ZDHHC9: variants seen among roughly 807,000 people sequenced by gnomAD.
ZDHHC9 encodes the protein zDHHC palmitoyltransferase 9.
A neutral mutation model predicts 26.6 loss-of-function variants in ZDHHC9; 3 were observed. That is an observed-to-expected ratio of 0.11 (90% CI 0.05 to 0.29). ZDHHC9 has a LOEUF of 0.29. Among genes scored for constraint, ZDHHC9 ranks in the 10% least tolerant of loss-of-function variants. ZDHHC9 has a pLI of 1.00. For missense variants in ZDHHC9, 146 were observed against 296.4 expected, an observed-to-expected ratio of 0.49 and a Z score of 3.73; for synonymous variants, 111 against 109.4, an observed-to-expected ratio of 1.01 and a Z score of -0.09.
chrX:129,836,219 C>T (rs1928257348), intron 3 of ZDHHC9, among the ~76,000 whole-genome samples: 1 of 112,157 alleles, frequency 8.9e-6, no homozygotes, highest in Admixed American at 9.5e-5. Flanking sequence ...ATTATCAGGT[C>T]TGCTTTTTCT....
chrX:129,817,913 T>C (rs1373648972), intron 5 of ZDHHC9, among the ~76,000 whole-genome samples: 2 of 111,927 alleles, frequency 1.8e-5, no homozygotes, highest in Non-Finnish European at 1.9e-5. Context: ...CTGTGAATAA[T>C]GATGCTACGA....
At chrX:129,806,835 T>G (rs1051929143) in intron 10 of ZDHHC9, among the ~76,000 whole-genome samples, 1 of 111,949 alleles carries the variant, frequency 8.9e-6, no homozygotes, top group Non-Finnish European at 1.9e-5. Context: ...TGGTCCTCAA[T>G]CGTGTTTCTG....
rs753548428 is a variant in ZDHHC9 at position 129,823,835 on chromosome X, C to A, written c.331G>T (p.Ala111Ser). 15 of 1,207,603 alleles carry A rather than the reference C, an allele frequency of 1.2e-5. No individual in the cohort carries two copies. Among genetic ancestry groups the A allele is most frequent in the African/African-American group, 5.2e-5 (3 of 57,412 alleles). Residue 111 changes from alanine to serine, a missense_variant and splice_region_variant, in exon 5 of 11, where the codon GCT (alanine) becomes TCT (serine). Transcript: ENST00000357166. The stretch of plus-strand genomic sequence containing the variant: ...CCCTGGGGCACCGCACCATTGGTAG[C>A]TTCTGTAAATCAATAAAGACAGTTA... ...EAAFIEMEIE[A>S]TNGAVPQGQR... is the part of the protein sequence containing the mutation.
chrX:129,839,607 C>T lies in ZDHHC9; in HGVS notation c.167+2172G>A, dbSNP rs1928335925. Among the ~76,000 whole-genome samples, 4 of 108,500 alleles carry T rather than the reference C, an allele frequency of 3.7e-5. No individual in the cohort carries two copies. The South Asian group carries it at 1.5e-3, about 42-fold the overall frequency. 94.2% of individuals were successfully genotyped at this position (108,500 alleles called of 115,157 possible). A position where few individuals can be genotyped will look rare whatever the true frequency, so the allele number is the denominator to read the frequency against. ...TATAGATGCCAAAGAAAAAGGCCGA[C>T]CAGAAGGAGATTTCATTCCTCAGAG... On this transcript the variant is annotated intron_variant, in intron 3 of 10. Transcript: ENST00000357166.
At chrX:129,816,310 T>C (rs1927755547) in intron 5 of ZDHHC9, among the ~76,000 whole-genome samples, 1 of 111,424 alleles carries the variant, frequency 9.0e-6, no homozygotes, top group Non-Finnish European at 1.9e-5. Context: ...GACTTGAGAA[T>C]GCATGGGGTT....
chrX:129,830,650 T>A (rs909042064), intron 3 of ZDHHC9, among the ~76,000 whole-genome samples: 1 of 112,064 alleles, frequency 8.9e-6, no homozygotes, highest in Non-Finnish European at 1.9e-5. Context: ...TATAAGTGGA[T>A]GAGCAAGGAG....
At position 129,810,950 on chromosome X, in the gene ZDHHC9, A is replaced by G; in HGVS notation, c.933T>C (p.Pro311=). Residue 311 remains proline, a synonymous_variant, in exon 10 of 11, where the codon CCT becomes CCC. Coordinates refer to ENST00000357166, the MANE Select transcript of ZDHHC9 (RefSeq NM_016032.4). ...TGCTACTGGTCTCTTGAGTACTGGGAGGTCGACTTCCACTTTCCTCCAGTG... is the reference window on the plus strand; with the variant it reads ...TGCTACTGGTCTCTTGAGTACTGGGGGGTCGACTTCCACTTTCCTCCAGTG... ...ILPLEESGSR[P]PSTQETSSSL... 4 of 1,211,477 alleles carry G rather than the reference A, an allele frequency of 3.3e-6. No homozygotes were observed. Among genetic ancestry groups the G allele is most frequent in the Non-Finnish European group, 4.5e-6 (4 of 895,361 alleles).
chrX:129,830,526 T>C (rs1390141297), intron 3 of ZDHHC9, among the ~76,000 whole-genome samples: 1 of 111,964 alleles, frequency 8.9e-6, no homozygotes, highest in Non-Finnish European at 1.9e-5. Flanking sequence ...CTGAACTGAA[T>C]TTCAAACAAA....
intron 8 of ZDHHC9, 90 bp from the exon 9 acceptor site, chrX:129,811,599 A>AAAT: frequency 4.1e-6 from 3 of 723,843 alleles, no homozygotes; most frequent in South Asian, 2.6e-5. Context: ...CAAAAAAGAA[A>AAAT]AATAATAATA....
At chrX:129,840,763 G>T (rs767297578) in intron 3 of ZDHHC9, among the ~76,000 whole-genome samples, 26 of 110,673 alleles carry the variant, frequency 2.3e-4, no homozygotes, top group Non-Finnish European at 4.7e-4. Context: ...TGGGTGCACT[G>T]GGAAAGCCTG....
intron 5 of ZDHHC9, among the ~76,000 whole-genome samples, chrX:129,815,342 T>A (rs1038596432): frequency 1.8e-5 from 2 of 112,232 alleles, no homozygotes; most frequent in African/African-American, 6.5e-5. Context: ...GACAATTGGC[T>A]ATTTGGTGCA....
intron 5 of ZDHHC9, among the ~76,000 whole-genome samples, chrX:129,822,694 G>A (rs922711735): frequency 1.8e-5 from 2 of 110,843 alleles, no homozygotes; most frequent in Non-Finnish European, 3.8e-5. Flanking sequence ...TAGTATACAC[G>A]CTGCCGAAGA....
chrX:129,831,496 G>A (rs985232600), intron 3 of ZDHHC9, among the ~76,000 whole-genome samples: 2 of 111,710 alleles, frequency 1.8e-5, no homozygotes, highest in Non-Finnish European at 3.8e-5. Flanking sequence ...TGCACAGAAG[G>A]ACCCGAGCTT....
At chrX:129,813,191 G>A (rs1424235074) in intron 7 of ZDHHC9, among the ~76,000 whole-genome samples, 4 of 112,025 alleles carry the variant, frequency 3.6e-5, no homozygotes, top group East Asian at 2.8e-4. Flanking sequence ...AAGGTCAGGA[G>A]TTCGAGAACA....
intron 3 of ZDHHC9, among the ~76,000 whole-genome samples, chrX:129,839,335 C>T (rs1054308375): frequency 2.7e-5 from 3 of 109,152 alleles, no homozygotes; most frequent in African/African-American, 1.0e-4. Context: ...CTCAGCCTTC[C>T]GAGTAGCTGG....
intron 8 of ZDHHC9, 26 bp downstream of exon 8, chrX:129,812,692 G>A (rs377185622): frequency 1.5e-5 from 17 of 1,122,741 alleles, no homozygotes; most frequent in Non-Finnish European, 2.1e-5. Flanking sequence ...AGAATATGTG[G>A]TGAGGAGAAG....
Position 129,805,629 on chromosome X carries a change from A to G in ZDHHC9, c.*741T>C, listed in dbSNP as rs1383147252. On this transcript the variant is annotated 3_prime_UTR_variant, in exon 11 of 11. Coordinates refer to ENST00000357166, the MANE Select transcript of ZDHHC9 (RefSeq NM_016032.4). Reference sequence around the variant, plus strand: ...GAGTGTGAAGGGCTATGCCGCTGGCATCTCATAAATTCTTATTGAGAATGG... The same window carrying G: ...GAGTGTGAAGGGCTATGCCGCTGGCGTCTCATAAATTCTTATTGAGAATGG... 1 of 112,462 alleles carries G rather than the reference A, an allele frequency of 8.9e-6. No individual in the cohort carries two copies. The highest frequency in any genetic ancestry group is 3.2e-5 in the African/African-American group (1 of 30,835). 9.3% of individuals were successfully genotyped at this position (112,462 alleles called of 1,213,427 possible). A position where few individuals can be genotyped will look rare whatever the true frequency, so the allele number is the denominator to read the frequency against.
intron 4 of ZDHHC9, among the ~76,000 whole-genome samples, chrX:129,825,268 C>A (rs1358159440): frequency 9.3e-6 from 1 of 107,975 alleles, no homozygotes; most frequent in Non-Finnish European, 1.9e-5. Context: ...GACTCCAACT[C>A]AAAAAAAAAA....
rs917995130 is a variant in ZDHHC9 at position 129,804,239 on chromosome X, T to G, written c.*2131A>C. On this transcript the variant is annotated 3_prime_UTR_variant, in exon 11 of 11. Coordinates refer to ENST00000357166, the MANE Select transcript of ZDHHC9 (RefSeq NM_016032.4). ...GAGTGCCAAGTTACCTGGGGAAACC[T>G]AACAACTTACAAATTCTCCAGGTTT... 1 of 110,501 alleles carries G rather than the reference T, an allele frequency of 9.0e-6. No homozygotes were observed. Among genetic ancestry groups the G allele is most frequent in the African/African-American group, 3.3e-5 (1 of 30,269 alleles). The allele number at this position is 110,501 out of a possible 1,213,427, so 9.1% of individuals were successfully genotyped here.
Sources: gnomAD v4.1 joint callset for allele counts (sites outside exome capture counted in the v4.1 genomes callset) on GRCh38, gnomAD v4.1.1 for gene constraint, MANE v1.5 for transcripts, NCBI Gene and HGNC (gene_info 2026-07-23, HGNC 2026-07-21) for gene names.